Variants in SPATC1L observed in about 807,000 individuals in gnomAD.
SPATC1L encodes the protein spermatogenesis and centriole associated 1 like, also known as speriolin-like protein.
SPATC1L carries 20 observed loss-of-function variants against 21.2 expected under a neutral mutation model. That is an observed-to-expected ratio of 0.94 (90% CI 0.66 to 1.37). The LOEUF is 1.37. Among genes scored for constraint, SPATC1L ranks in the 40% most tolerant of loss-of-function variants. SPATC1L has a pLI of 0.00. For missense variants in SPATC1L, 499 were observed against 478.7 expected, an observed-to-expected ratio of 1.04 and a Z score of -0.40; for synonymous variants, 290 against 234.5, an observed-to-expected ratio of 1.24 and a Z score of -2.16.
In SPATC1L at chr21:46,168,647, C is replaced by A. The variant is rs531977796; in HGVS notation, c.205G>T (p.Gly69Ter). ...GTGTCGGCAACACTCGTGAACCTTC[C>A]GAAATCTGGAACTGAGGCGGGGAGG... ...GSPGSGVPDF[G>*]RFTSVADTPS... is the part of the protein sequence containing the mutation. The change falls in exon 3 of 5, where the codon GGA (glycine) becomes TGA (stop). Residue 69 changes from glycine (G) to a stop codon, truncating the protein, a stop_gained. Coordinates refer to ENST00000291672, the MANE Select transcript of SPATC1L (RefSeq NM_001142854.2). LOFTEE classifies it high-confidence loss of function. 7.4e-7 allele frequency: 1 copy of A among 1,359,242 alleles called. No homozygotes were observed. Among genetic ancestry groups the A allele is most frequent in the African/African-American group, 1.5e-5 (1 of 68,276 alleles). The allele number at this position is 1,359,242 out of a possible 1,614,324, so 84.2% of individuals were successfully genotyped here. A position where few individuals can be genotyped will look rare whatever the true frequency, so the allele number is the denominator to read the frequency against.
At chr21:46,170,053 T>C (rs1313855349) in intron 2 of SPATC1L, among the ~76,000 whole-genome samples, 1 of 87,922 alleles carries the variant, frequency 1.1e-5, no homozygotes. Flanking sequence ...GGGAGGAGCC[T>C]CTGCTCTGTG....
chr21:46,184,105 G>C (rs1312608379), intron 1 of SPATC1L, among the ~76,000 whole-genome samples: 6 of 151,034 alleles, frequency 4.0e-5, no homozygotes, highest in African/African-American at 1.5e-4. Context: ...CTGATGAGAA[G>C]GGTCCAGCAG....
rs1368485848 is a variant in SPATC1L at position 46,162,076 on chromosome 21, G to A, written c.545-9C>T. 2 of 1,562,646 alleles carry A rather than the reference G, an allele frequency of 1.3e-6. No homozygotes were observed. Among genetic ancestry groups the A allele is most frequent in the Non-Finnish European group, 1.7e-6 (2 of 1,156,400 alleles). ...CGCGAAGCTCTGGATCTCTGGGGGA[G>A]GGAAGGCCGGGGACAAGGTCAGGGG... On this transcript the variant is annotated splice_polypyrimidine_tract_variant and intron_variant, in intron 3 of 4. Coordinates refer to ENST00000291672, the MANE Select transcript of SPATC1L (RefSeq NM_001142854.2).
At chr21:46,172,852 G>A (rs1024760453) in intron 2 of SPATC1L, among the ~76,000 whole-genome samples, 2 of 152,222 alleles carry the variant, frequency 1.3e-5, no homozygotes, top group African/African-American at 4.8e-5. Flanking sequence ...CTGGGAACCT[G>A]CCTGGGACTA....
chr21:46,161,243 TG>T lies in SPATC1L; in HGVS notation c.*135del. ...GGCTGCGGTCGGGGCCCAGCACCGG[TG>T]GGAGCGGGGCCTTCTCTGGCCTCGC... On this transcript the variant is annotated 3_prime_UTR_variant, in exon 5 of 5. Transcript: ENST00000291672. 1.4e-6 allele frequency: 1 copy of T among 726,476 alleles called. No homozygotes were observed. Among genetic ancestry groups the T allele is most frequent in the Non-Finnish European group, 2.0e-6 (1 of 496,570 alleles). 45.0% of individuals were successfully genotyped at this position (726,476 alleles called of 1,614,324 possible).
Position 46,161,346 on chromosome 21 carries a change from T to C in SPATC1L, c.*33A>G. The C allele has an allele frequency of 2.0e-6, 3 of 1,481,814 alleles. No individual in the cohort carries two copies. In the South Asian group the frequency reaches 4.1e-5, roughly 20 times the overall value. The allele number at this position is 1,481,814 out of a possible 1,614,324, so 91.8% of individuals were successfully genotyped here. The stretch of plus-strand genomic sequence containing the variant: ...CGGCCCCGGGTTGGAACAAACGCGT[T>C]TACTGCAGGCAAGGCGGCGGGCGCG... On this transcript the variant is annotated 3_prime_UTR_variant, in exon 5 of 5. Coordinates refer to ENST00000291672, the MANE Select transcript of SPATC1L (RefSeq NM_001142854.2).
chr21:46,171,786 G>A (rs1481926570), intron 2 of SPATC1L, among the ~76,000 whole-genome samples: 2 of 152,038 alleles, frequency 1.3e-5, no homozygotes, highest in Non-Finnish European at 2.9e-5. Context: ...AGGCCTGGAT[G>A]GTCTGTGGGT....
chr21:46,182,967 G>A lies in SPATC1L; in HGVS notation c.-151C>T, dbSNP rs552506545. 1.7e-3 allele frequency: 1,377 copies of A among 806,612 alleles called. 1 individual carries two copies. The highest frequency in any genetic ancestry group is 2.0e-3 in the Non-Finnish European group (1,091 of 538,912). The allele number at this position is 806,612 out of a possible 1,614,324, so 50.0% of individuals were successfully genotyped here. A position where few individuals can be genotyped will look rare whatever the true frequency, so the allele number is the denominator to read the frequency against. ...CTTGTGATGTCACTGCCCTAGTGAT[G>A]AGGTGCCCAGCACCCTGCCTGCCCC... On this transcript the variant is annotated 5_prime_UTR_variant, in exon 2 of 5. Transcript: ENST00000291672.
At chr21:46,170,192 G>GCTC in intron 2 of SPATC1L, among the ~76,000 whole-genome samples, 1 of 137,656 alleles carries the variant, frequency 7.3e-6, no homozygotes, top group East Asian at 2.0e-4. Flanking sequence ...CATCCTCTGT[G>GCTC]GATGGGGAGG....
chr21:46,169,424 G>A (rs544292328), intron 2 of SPATC1L, among the ~76,000 whole-genome samples: 2 of 104,588 alleles, frequency 1.9e-5, no homozygotes, highest in African/African-American at 4.4e-5. Context: ...CTCTGTGGAT[G>A]GGGAGGAGCC....
intron 3 of SPATC1L, among the ~76,000 whole-genome samples, chr21:46,162,830 G>A (rs1339417082): frequency 3.9e-5 from 6 of 152,008 alleles, no homozygotes; most frequent in African/African-American, 2.4e-5. Context: ...CAGGTGATCC[G>A]CCCACCTCAG....
chr21:46,163,507 T>C (rs2079517938), intron 3 of SPATC1L, among the ~76,000 whole-genome samples: 1 of 152,218 alleles, frequency 6.6e-6, no homozygotes, highest in Non-Finnish European at 1.5e-5. Context: ...CTTTGATCCA[T>C]TTTGAGTTAA....
intron 3 of SPATC1L, among the ~76,000 whole-genome samples, chr21:46,167,252 A>C (rs1219963399): frequency 6.6e-6 from 1 of 152,134 alleles, no homozygotes; most frequent in Non-Finnish European, 1.5e-5. Context: ...ACACACCAAA[A>C]CCTACTATGT....
At chr21:46,170,677 C>G (rs58520281) in intron 2 of SPATC1L, among the ~76,000 whole-genome samples, 1 of 28,014 alleles carries the variant, frequency 3.6e-5, no homozygotes, top group Admixed American at 3.8e-4. Flanking sequence ...GGGGAGGAGC[C>G]TCCCTGCTCT....
At chr21:46,166,335 C>T (rs1197296442) in intron 3 of SPATC1L, among the ~76,000 whole-genome samples, 1 of 151,764 alleles carries the variant, frequency 6.6e-6, no homozygotes, top group African/African-American at 2.4e-5. Flanking sequence ...CACTGCACTC[C>T]AGCCTGGGCA....
chr21:46,171,580 A>AC (rs57294728), intron 2 of SPATC1L, among the ~76,000 whole-genome samples: 3 of 151,936 alleles, frequency 2.0e-5, no homozygotes, highest in African/African-American at 4.8e-5. Context: ...GGCTTCACAG[A>AC]CCCCCCACCC....
At chr21:46,172,109 A>AACCCAGTG in intron 2 of SPATC1L, among the ~76,000 whole-genome samples, 1 of 14,634 alleles carries the variant, frequency 6.8e-5, no homozygotes. Flanking sequence ...AGGAGTGCAG[A>AACCCAGTG]GCATGAGGCG....
chr21:46,174,332 C>CAAAAAAAAAAAAAAAA (rs66721282), intron 2 of SPATC1L, among the ~76,000 whole-genome samples: 2 of 34,258 alleles, frequency 5.8e-5, no homozygotes, highest in African/African-American at 1.9e-4. Context: ...GACTCTGTCT[C>CAAAAAAAAAAAAAAAA]AAAAAACAAA....
At chr21:46,181,373 C>T (rs901129191) in intron 2 of SPATC1L, among the ~76,000 whole-genome samples, 7 of 152,176 alleles carry the variant, frequency 4.6e-5, no homozygotes, top group South Asian at 2.1e-4. Flanking sequence ...CACATCCTGG[C>T]GAGGTGCTCT....
Sources: gnomAD v4.1 joint callset for allele counts (sites outside exome capture counted in the v4.1 genomes callset) on GRCh38, gnomAD v4.1.1 for gene constraint, MANE v1.5 for transcripts, NCBI Gene and HGNC (gene_info 2026-07-23, HGNC 2026-07-21) for gene names.